The following UPF2 variants were observed in gnomAD, a reference collection of about 807,000 sequenced individuals.
UPF2 encodes regulator of nonsense transcripts 2.
Under a neutral mutation model 141.4 loss-of-function variants are expected in UPF2, and 17 were observed. The observed-to-expected ratio is 0.12, with a 90% confidence interval of 0.08 to 0.18. UPF2 has a LOEUF of 0.18. UPF2 is among the 10% of genes least tolerant of loss of function. The pLI, the probability that UPF2 is intolerant of heterozygous loss-of-function variation, is 1.00. For missense variants in UPF2, 1,152 were observed against 1,515.9 expected, an observed-to-expected ratio of 0.76 and a Z score of 3.99; for synonymous variants, 540 against 498.0, an observed-to-expected ratio of 1.08 and a Z score of -1.12.
intron 11 of UPF2, among the ~76,000 whole-genome samples, chr10:11,961,417 AG>A (rs1472190682): frequency 3.3e-5 from 5 of 151,898 alleles, no homozygotes; most frequent in African/African-American, 1.2e-4. Flanking sequence ...CCACGGGAAG[AG>A]CACGCATGCA....
chr10:11,994,529 T>A (rs992725750), intron 8 of UPF2, among the ~76,000 whole-genome samples: 2 of 152,242 alleles, frequency 1.3e-5, no homozygotes, highest in African/African-American at 4.8e-5. Context: ...CTTTTCATCA[T>A]ATAATGTTTT....
At chr10:12,030,259 T>C (rs1003302217) in intron 2 of UPF2, among the ~76,000 whole-genome samples, 1 of 152,058 alleles carries the variant, frequency 6.6e-6, no homozygotes, top group Non-Finnish European at 1.5e-5. Flanking sequence ...TTTAAAGAAT[T>C]AGCACTACAA....
Position 11,997,055 on chromosome 10 carries a change from A to T in UPF2, c.1844+617T>A, listed in dbSNP as rs116331000. On this transcript the variant is annotated intron_variant, in intron 8 of 21. Transcript: ENST00000357604. ...GATCTCCTCCAGGATTCTAAGGTCA[A>T]CAGTCTATGAGTGGTCCTGAAATGT... 7.1e-3 allele frequency among the ~76,000 whole-genome samples: 1,085 copies of T among 152,336 alleles called. 13 individuals are homozygous for T. The highest frequency in any genetic ancestry group is 0.025 in the African/African-American group (1,042 of 41,574).
At chr10:12,003,130 A>G (rs1449603257) in intron 5 of UPF2, among the ~76,000 whole-genome samples, 1 of 152,160 alleles carries the variant, frequency 6.6e-6, no homozygotes, top group African/African-American at 2.4e-5. Context: ...AATTCCTACT[A>G]TGTGCTAGGT....
At chr10:11,938,138 A>G (rs1832877613) in intron 18 of UPF2, among the ~76,000 whole-genome samples, 1 of 152,194 alleles carries the variant, frequency 6.6e-6, no homozygotes, top group African/African-American at 2.4e-5. Flanking sequence ...TGCATATACT[A>G]ATAATATATA....
chr10:11,970,052 G>A (rs1833389832), intron 9 of UPF2, among the ~76,000 whole-genome samples: 1 of 152,158 alleles, frequency 6.6e-6, no homozygotes, highest in Non-Finnish European at 1.5e-5. Flanking sequence ...AAGAGCAAAA[G>A]TTCTAGAGTT....
At position 12,042,123 on chromosome 10, in the gene UPF2, A is replaced by G. The variant is rs1588586656; in HGVS notation, c.-19+632T>C. The stretch of plus-strand genomic sequence containing the variant: ...GCCCATGCCCACCATCCCCAGATAC[A>G]CCCCAAGCCCCTTCCCCTACACATA... On this transcript the variant is annotated intron_variant, in intron 1 of 21. Coordinates refer to ENST00000357604, the MANE Select transcript of UPF2 (RefSeq NM_015542.4). This position sits in a 1 kb window ranked among gnomAD's most constrained non-coding sequence, Gnocchi z 5.5. 6.6e-6 allele frequency among the ~76,000 whole-genome samples: 1 copy of G among 151,156 alleles called. No homozygotes were observed. Among genetic ancestry groups the G allele is most frequent in the Admixed American group, 6.6e-5 (1 of 15,148 alleles).
chr10:12,027,373 A>G (rs1834436992), intron 3 of UPF2, among the ~76,000 whole-genome samples: 1 of 152,218 alleles, frequency 6.6e-6, no homozygotes. Context: ...GCCAAGAACT[A>G]ATCAATCATT....
chr10:12,038,247 G>A (rs1348727232), intron 1 of UPF2, among the ~76,000 whole-genome samples: 1 of 151,888 alleles, frequency 6.6e-6, no homozygotes, highest in Non-Finnish European at 1.5e-5. Flanking sequence ...GCTGGGCGTG[G>A]TAGCAGGCGC....
chr10:11,967,472 A>C lies in UPF2; in HGVS notation c.1954-18T>G. 2 of 1,427,330 alleles carry C rather than the reference A, an allele frequency of 1.4e-6. No homozygotes were observed. The highest frequency in any genetic ancestry group is 1.9e-6 in the Non-Finnish European group (2 of 1,038,220). The allele number at this position is 1,427,330 out of a possible 1,614,324, so 88.4% of individuals were successfully genotyped here. ...TTCCGTACCTAAAAATTAAGAGAGA[A>C]AAGATAATGCTTAATCAACATTTTG... On this transcript the variant is annotated intron_variant, in intron 9 of 21. Transcript: ENST00000357604.
At chr10:11,922,404 T>A (rs1053456940) in intron 21 of UPF2, among the ~76,000 whole-genome samples, 1 of 147,878 alleles carries the variant, frequency 6.8e-6, no homozygotes, top group Non-Finnish European at 1.5e-5. Flanking sequence ...ATAAGATCCG[T>A]AACTCTTCCA....
rs760061682 is a variant in UPF2, at chr10:12,028,812, A to T, written c.1078T>A (p.Phe360Ile). The T allele has an allele frequency of 1.2e-6, 2 of 1,614,128 alleles. No homozygotes were observed. Among genetic ancestry groups the T allele is most frequent in the Non-Finnish European group, 1.7e-6 (2 of 1,180,018 alleles). ...TTCAGGTGTTTGGTCAAAGACGTAA[A>T]GTACTCTTTTAAAAGATTCTGGAAG... ...QPFQNLLKEY[F>I]TSLTKHLKRD... The change falls in exon 3 of 22, where the codon TTT becomes ATT. Residue 360 changes from phenylalanine to isoleucine, a missense_variant. By Grantham distance (21) the Phe-to-Ile change is conservative. This residue lies in a region of UPF2 where 739 missense variants were observed against 1,032.2 expected (regional missense o/e 0.72). Coordinates refer to ENST00000357604, the MANE Select transcript of UPF2 (RefSeq NM_015542.4).
chr10:11,960,615 C>G (rs565498577), intron 11 of UPF2, among the ~76,000 whole-genome samples: 17 of 151,162 alleles, frequency 1.1e-4, no homozygotes, highest in African/African-American at 3.9e-4. Context: ...AAAAAATTAC[C>G]CAGGCACGGT....
intron 8 of UPF2, among the ~76,000 whole-genome samples, chr10:11,982,199 A>G (rs1429364228): frequency 6.6e-6 from 1 of 152,222 alleles, no homozygotes; most frequent in Non-Finnish European, 1.5e-5. Flanking sequence ...ATGATCAATT[A>G]TCAAATTCAA....
chr10:11,929,859 C>T lies in UPF2; in HGVS notation c.3809+6G>A, dbSNP rs779524388. 3 of 1,614,036 alleles carry T rather than the reference C, an allele frequency of 1.9e-6. No individual in the cohort carries two copies. The highest frequency in any genetic ancestry group is 2.2e-5 in the East Asian group (1 of 44,886). ...ACAGCTAAGGAAGGAGTAATGACTG[C>T]TTTACCTCCCACCAGTCTTAAAGAT... On this transcript the variant is annotated splice_donor_region_variant and intron_variant, in intron 21 of 21. Transcript: ENST00000357604.
intron 19 of UPF2, among the ~76,000 whole-genome samples, chr10:11,933,371 T>A (rs1044088473): frequency 1.3e-5 from 2 of 152,198 alleles, no homozygotes; most frequent in Non-Finnish European, 2.9e-5. Context: ...ACTGAATATT[T>A]TCCAAAATTC....
chr10:11,982,582 G>A (rs1023072077), intron 8 of UPF2, among the ~76,000 whole-genome samples: 8 of 152,118 alleles, frequency 5.3e-5, no homozygotes, highest in African/African-American at 1.9e-4. Flanking sequence ...ATACTCCAAG[G>A]AAACTGCACC....
chr10:11,993,893 G>A (rs1833823224), intron 8 of UPF2, among the ~76,000 whole-genome samples: 5 of 152,066 alleles, frequency 3.3e-5, no homozygotes, highest in Admixed American at 2.6e-4. Context: ...CGAGGCTAAC[G>A]TGAAAGGATT....
chr10:12,035,728 C>A (rs1834613684), intron 1 of UPF2: 2 of 228,660 alleles, frequency 8.7e-6, no homozygotes, highest in South Asian at 1.4e-4. Flanking sequence ...CCTCCACGTA[C>A]CCATCACTCA....
Sources: allele counts gnomAD v4.1 joint callset (sites outside exome capture counted in the v4.1 genomes callset), GRCh38; gene constraint gnomAD v4.1.1; regional missense constraint gnomAD v4.1.1; non-coding constraint Gnocchi (gnomAD v3.1); transcripts MANE v1.5; gene names NCBI Gene and HGNC (gene_info 2026-07-23, HGNC 2026-07-21).